The following DNASE1 variants were observed in gnomAD, a reference collection of about 807,000 sequenced individuals.
DNASE1 encodes deoxyribonuclease 1.
Under a neutral mutation model 33.9 loss-of-function variants are expected in DNASE1, and 40 were observed. That is an observed-to-expected ratio of 1.18 (90% CI 0.92 to 1.54). DNASE1 has a LOEUF of 1.54. Ranked by LOEUF, DNASE1 falls within the 40% of genes most tolerant of loss-of-function variation. DNASE1 has a pLI of 0.00. For synonymous variants in DNASE1, 216 were observed against 160.0 expected (o/e 1.35, Z -2.64); for missense variants, 518 against 372.6 (o/e 1.39, Z -3.21).
downstream of DNASE1, chr16:3,658,676 A>AACAAACAAACAAAC (rs2042872378): frequency 2.9e-6 from 3 of 1,036,234 alleles, no homozygotes; most frequent in Non-Finnish European, 4.2e-6. Context: ...CATCTCAAAA[A>AACAAACAAACAAAC]ACAAACAAAC....
At chr16:3,636,556 T>C (rs2041872463) in intron 1 of DNASE1, among the ~76,000 whole-genome samples, 1 of 152,030 alleles carries the variant, frequency 6.6e-6, no homozygotes, top group Non-Finnish European at 1.5e-5. Flanking sequence ...GCATGGTGGC[T>C]CACGCCTGTA....
At chr16:3,626,213 A>AG (rs1567189830) in intron 1 of DNASE1, among the ~76,000 whole-genome samples, 2 of 152,134 alleles carry the variant, frequency 1.3e-5, no homozygotes, top group African/African-American at 2.4e-5. Context: ...AAAAAAAAAA[A>AG]TAGAAAAACA....
At chr16:3,643,258 G>A (rs2042074666) in intron 1 of DNASE1, among the ~76,000 whole-genome samples, 1 of 152,260 alleles carries the variant, frequency 6.6e-6, no homozygotes, top group Non-Finnish European at 1.5e-5. Context: ...GAAGAGAGAC[G>A]GACATTAGGC....
At chr16:3,633,333 G>A (rs530891486) in intron 1 of DNASE1, among the ~76,000 whole-genome samples, 4 of 152,208 alleles carry the variant, frequency 2.6e-5, no homozygotes, top group East Asian at 3.9e-4. Context: ...TTGGCTGGGC[G>A]CAGTGGCCCA....
At chr16:3,626,252 T>C (rs1156338081) in intron 1 of DNASE1, among the ~76,000 whole-genome samples, 1 of 148,836 alleles carries the variant, frequency 6.7e-6, no homozygotes, top group Non-Finnish European at 1.5e-5. Flanking sequence ...CCAACAGGTA[T>C]ATGAAGAAGT....
chr16:3,642,120 G>A (rs535202875), upstream of DNASE1, among the ~76,000 whole-genome samples: 1 of 152,286 alleles, frequency 6.6e-6, no homozygotes, highest in East Asian at 1.9e-4. Context: ...AGCCCCTCCT[G>A]GCCGTGGAGA....
Position 3,657,849 on chromosome 16 carries a change from A to G in DNASE1, c.801+33A>G, listed in dbSNP as rs8176934. 7 of 1,613,814 alleles carry G rather than the reference A, an allele frequency of 4.3e-6. No individual in the cohort carries two copies. In the Admixed American group the frequency reaches 1.2e-4, roughly 27 times the overall value. ...TCCTCCCTTGCACAGCCACATGAGGATGGGACACAGGAGCTCAGGTAGGCT... is the reference window on the plus strand; with the variant it reads ...TCCTCCCTTGCACAGCCACATGAGGGTGGGACACAGGAGCTCAGGTAGGCT... On this transcript the variant is annotated intron_variant, in intron 8 of 8. Transcript: ENST00000246949.
chr16:3,652,906 A>G, upstream of DNASE1: 1 of 152,454 alleles, frequency 6.6e-6, no homozygotes, highest in Admixed American at 6.5e-5. Context: ...CAAGCCTTCC[A>G]GGCCCTCCTC....
intron 1 of DNASE1, among the ~76,000 whole-genome samples, chr16:3,612,333 C>T (rs1048344723): frequency 6.6e-6 from 1 of 152,076 alleles, no homozygotes; most frequent in African/African-American, 2.4e-5. Context: ...TCACTGCAAC[C>T]TCTGTCTCCC....
chr16:3,663,707 G>T, exon 10 of DNASE1: 1 of 964,754 alleles, frequency 1.0e-6, no homozygotes, highest in Non-Finnish European at 1.5e-6. Flanking sequence ...AGGCCTGCAT[G>T]ACAGTTACTA....
At chr16:3,655,810 C>G in intron 2 of DNASE1, 39 bp from the exon 3 acceptor site, 1 of 1,609,618 alleles carries the variant, frequency 6.2e-7, no homozygotes, top group East Asian at 2.2e-5. Context: ...CCCTGGGTGG[C>G]ACCAGCCCTG....
In DNASE1 at chr16:3,664,771, G is replaced by A. The variant is rs189627679; in HGVS notation, c.*6818G>A. ...CAGCAGAGCCCGGCCTGGACCCAGC[G>A]TCTTCCCTCTGCCCTCAGTGACAGA... is the stretch of plus-strand genomic sequence containing the variant. On this transcript the variant is annotated 3_prime_UTR_variant, in exon 10 of 10. Coordinates refer to the DNASE1 transcript ENST00000407479. 8.0e-3 allele frequency: 2,591 copies of A among 323,200 alleles called. 19 individuals carry two copies. Among genetic ancestry groups the A allele is most frequent in the Non-Finnish European group, 0.011 (1,959 of 174,570 alleles). The allele number at this position is 323,200 out of a possible 1,614,324, so 20.0% of individuals were successfully genotyped here.
intron 1 of DNASE1, among the ~76,000 whole-genome samples, chr16:3,634,220 G>T (rs2041797090): frequency 6.6e-6 from 1 of 150,814 alleles, no homozygotes; most frequent in Admixed American, 6.6e-5. Flanking sequence ...TCGAGACAGG[G>T]TTTTTTTGTT....
chr16:3,637,933 C>T (rs944529149), intron 1 of DNASE1, among the ~76,000 whole-genome samples: 3 of 152,182 alleles, frequency 2.0e-5, no homozygotes, highest in African/African-American at 7.2e-5. Context: ...CTTCAGTTCT[C>T]TGATGCAGCT....
At chr16:3,637,123 C>CAAAAAA (rs55645773) in intron 1 of DNASE1, among the ~76,000 whole-genome samples, 8 of 144,382 alleles carry the variant, frequency 5.5e-5, no homozygotes, top group Admixed American at 6.9e-5. Context: ...GACTCCATCT[C>CAAAAAA]AAAAAAAAAA....
At chr16:3,620,560 T>C (rs934073899) in intron 1 of DNASE1, among the ~76,000 whole-genome samples, 1 of 151,978 alleles carries the variant, frequency 6.6e-6, no homozygotes, top group Non-Finnish European at 1.5e-5. Context: ...TATTGCATCA[T>C]GAGCATTTCT....
downstream of DNASE1, chr16:3,662,190 A>G: frequency 6.4e-7 from 1 of 1,571,846 alleles, no homozygotes; most frequent in Non-Finnish European, 8.6e-7. Flanking sequence ...GAGGGCTGGC[A>G]GGATCTTACC....
chr16:3,612,608 C>T (rs1404056596), intron 1 of DNASE1, among the ~76,000 whole-genome samples: 1 of 131,346 alleles, frequency 7.6e-6, no homozygotes, highest in African/African-American at 2.9e-5. Flanking sequence ...GGGAGTCTCA[C>T]TATGTTGCCC....
chr16:3,632,830 C>T (rs2041741185), intron 1 of DNASE1, among the ~76,000 whole-genome samples: 1 of 152,146 alleles, frequency 6.6e-6, no homozygotes, highest in Non-Finnish European at 1.5e-5. Flanking sequence ...AGGTGATCCG[C>T]CCGCCTCAGA....
Sources: gnomAD v4.1 joint callset for allele counts (sites outside exome capture counted in the v4.1 genomes callset) on GRCh38, gnomAD v4.1.1 for gene constraint, MANE v1.5 for transcripts, NCBI Gene and HGNC (gene_info 2026-07-23, HGNC 2026-07-21) for gene names.